The following GRID2 variants were observed in gnomAD, a reference collection of about 807,000 sequenced individuals.
The protein encoded by GRID2 is glutamate receptor ionotropic, delta-2.
GRID2 carries 33 observed loss-of-function variants against 114.8 expected under a neutral mutation model. The ratio of observed to expected loss-of-function variants is 0.29; its 90% confidence interval spans 0.22 to 0.38. The LOEUF (loss-of-function observed/expected upper bound fraction) is 0.38. Among genes scored for constraint, GRID2 ranks in the 10% least tolerant of loss-of-function variants. The pLI is 1.00. For missense variants in GRID2, 1,184 were observed against 1,257.7 expected (o/e 0.94, Z 0.89); for synonymous variants, 505 against 449.9 (o/e 1.12, Z -1.55).
At position 93,120,041 on chromosome 4, in the gene GRID2, G is replaced by A. The variant is rs142934633; in HGVS notation, c.735+9088G>A. On this transcript the variant is annotated intron_variant, in intron 4 of 15. Transcript: ENST00000282020. ...AAGAGAAATGCAAATTGAAACCACA[G>A]TGTGATACCATCTCATGCCAGTTAG... is the stretch of plus-strand genomic sequence containing the variant. Among the ~76,000 whole-genome samples the A allele has an allele frequency of 1.1e-4, 16 of 152,282 alleles. No individual in the cohort carries two copies. In the East Asian group the frequency reaches 3.1e-3, roughly 29 times the overall value.
intron 2 of GRID2, among the ~76,000 whole-genome samples, chr4:92,935,269 A>C (rs1750573558): frequency 1.4e-5 from 2 of 147,456 alleles, no homozygotes; most frequent in South Asian, 2.3e-4. Context: ...ATGCAGCCAA[A>C]AAACACATGA....
chr4:93,545,271 G>T (rs1341756489), intron 13 of GRID2, among the ~76,000 whole-genome samples: 1 of 152,156 alleles, frequency 6.6e-6, no homozygotes, highest in Non-Finnish European at 1.5e-5. Context: ...AGATAAGACT[G>T]GGAGGAACTA....
chr4:93,509,393 G>A (rs1362311899), intron 12 of GRID2, among the ~76,000 whole-genome samples: 1 of 152,086 alleles, frequency 6.6e-6, no homozygotes, highest in Non-Finnish European at 1.5e-5. Flanking sequence ...CTAATTGATA[G>A]GAAACAAGGA....
At chr4:92,632,372 C>A (rs1416493362) in intron 2 of GRID2, among the ~76,000 whole-genome samples, 1 of 152,092 alleles carries the variant, frequency 6.6e-6, no homozygotes, top group Non-Finnish European at 1.5e-5. Context: ...CAGTGGCTTA[C>A]ACCTGTAATC....
chr4:92,985,678 C>T (rs1339918720), intron 2 of GRID2, among the ~76,000 whole-genome samples: 1 of 152,094 alleles, frequency 6.6e-6, no homozygotes, highest in Non-Finnish European at 1.5e-5. Flanking sequence ...TTTTTGATGA[C>T]TTTGTCCTTT....
intron 10 of GRID2, among the ~76,000 whole-genome samples, chr4:93,434,755 G>A (rs1002587873): frequency 2.6e-5 from 4 of 152,008 alleles, no homozygotes; most frequent in African/African-American, 9.7e-5. Flanking sequence ...CTTTTGATGG[G>A]TTTCCATCCC....
At chr4:92,954,236 T>C (rs1357747291) in intron 2 of GRID2, among the ~76,000 whole-genome samples, 2 of 151,116 alleles carry the variant, frequency 1.3e-5, no homozygotes, top group South Asian at 2.1e-4. Flanking sequence ...TACACACACA[T>C]ATATATATAC....
At chr4:93,453,874 C>T (rs547074439) in intron 10 of GRID2, among the ~76,000 whole-genome samples, 2 of 152,032 alleles carry the variant, frequency 1.3e-5, no homozygotes, top group South Asian at 4.2e-4. Context: ...TTCTGAGCAC[C>T]TAATTGAATC....
intron 1 of GRID2, among the ~76,000 whole-genome samples, chr4:92,310,429 G>C (rs1254337999): frequency 2.0e-5 from 3 of 151,748 alleles, no homozygotes; most frequent in African/African-American, 7.3e-5. Context: ...ATTAATTATT[G>C]GAAAATTAAA....
At chr4:92,323,392 T>G (rs1726422773) in intron 1 of GRID2, among the ~76,000 whole-genome samples, 1 of 152,150 alleles carries the variant, frequency 6.6e-6, no homozygotes. Flanking sequence ...TTATTCAACC[T>G]CTACAAACTT....
At chr4:92,745,190 G>T (rs2149334309) in intron 2 of GRID2, among the ~76,000 whole-genome samples, 1 of 152,236 alleles carries the variant, frequency 6.6e-6, no homozygotes, top group South Asian at 2.1e-4. Flanking sequence ...TATGATCATT[G>T]TTTTGGTAAA....
At chr4:92,733,303 T>G (rs1219259108) in intron 2 of GRID2, among the ~76,000 whole-genome samples, 1 of 152,136 alleles carries the variant, frequency 6.6e-6, no homozygotes, top group Non-Finnish European at 1.5e-5. Flanking sequence ...AACCTGTAAC[T>G]GATTAACTGG....
chr4:93,785,298 T>C (rs1734569501), intron 1 of GRID2, among the ~76,000 whole-genome samples: 1 of 152,124 alleles, frequency 6.6e-6, no homozygotes, highest in Non-Finnish European at 1.5e-5. Context: ...AGAAAGACAA[T>C]TTAACAGGCA....
At chr4:93,028,584 CT>C (rs554039196) in intron 2 of GRID2, among the ~76,000 whole-genome samples, 6 of 151,432 alleles carry the variant, frequency 4.0e-5, no homozygotes, top group South Asian at 2.1e-4. Flanking sequence ...AATTTGGAAT[CT>C]TTTTTTTTAT....
intron 8 of GRID2, among the ~76,000 whole-genome samples, chr4:93,371,276 G>A (rs545248747): frequency 1.3e-5 from 2 of 152,168 alleles, no homozygotes; most frequent in East Asian, 1.9e-4. Flanking sequence ...AGACCAGCAG[G>A]CACCAGGTAC....
At chr4:92,804,867 T>G (rs112166077) in intron 2 of GRID2, among the ~76,000 whole-genome samples, 8 of 152,158 alleles carry the variant, frequency 5.3e-5, no homozygotes, top group African/African-American at 1.9e-4. Context: ...CAATTTTGTC[T>G]TTATTGTTAC....
intron 1 of GRID2, among the ~76,000 whole-genome samples, chr4:92,384,598 CATAATATATAATATATGTT>C (rs1729826904): frequency 3.8e-5 from 1 of 26,498 alleles, no homozygotes; most frequent in Non-Finnish European, 9.1e-5. Context: ...TTATATATAA[CATAATATATAATATATGTT>C]ATATATTATA....
At chr4:92,351,055 A>C (rs1247764499) in intron 1 of GRID2, among the ~76,000 whole-genome samples, 2 of 151,826 alleles carry the variant, frequency 1.3e-5, no homozygotes, top group African/African-American at 4.8e-5. Context: ...GATATACCAC[A>C]TATTGTTATC....
At chr4:93,433,585 C>T (rs1720787104) in intron 10 of GRID2, among the ~76,000 whole-genome samples, 1 of 152,132 alleles carries the variant, frequency 6.6e-6, no homozygotes, top group Non-Finnish European at 1.5e-5. Flanking sequence ...TTGCCCAAGC[C>T]ATGCTCAAGC....
Sources: gnomAD v4.1 joint callset for allele counts (sites outside exome capture counted in the v4.1 genomes callset) on GRCh38, gnomAD v4.1.1 for gene constraint, MANE v1.5 for transcripts, NCBI Gene and HGNC (gene_info 2026-07-23, HGNC 2026-07-21) for gene names.